ANK1: variants seen among roughly 807,000 people sequenced by gnomAD.
The protein encoded by ANK1 is ankyrin 1.
A neutral mutation model predicts 210.4 loss-of-function variants in ANK1; 51 were observed. The observed-to-expected ratio is 0.24, with a 90% CI of 0.19 to 0.31. ANK1 has a LOEUF of 0.31. Among genes scored for constraint, ANK1 ranks in the 10% least tolerant of loss-of-function variants. ANK1 has a pLI of 1.00. For missense variants in ANK1, 2,051 were observed against 2,504.4 expected, an observed-to-expected ratio of 0.82 and a Z score of 3.86; for synonymous variants, 967 against 1,025.9, an observed-to-expected ratio of 0.94 and a Z score of 1.10.
intron 1 of ANK1, among the ~76,000 whole-genome samples, chr8:41,775,241 G>A (rs1843758376): frequency 6.6e-6 from 1 of 152,186 alleles, no homozygotes; most frequent in African/African-American, 2.4e-5. Flanking sequence ...CTGCCATCTG[G>A]AGCAGGCGGG....
intron 1 of ANK1, among the ~76,000 whole-genome samples, chr8:41,878,645 A>T (rs1238388865): frequency 3.3e-4 from 51 of 152,252 alleles, no homozygotes; most frequent in Admixed American, 3.3e-3. Flanking sequence ...CTCGTTAAAA[A>T]GTAATGAGTA....
At chr8:41,808,305 G>C (rs1031637829) in intron 1 of ANK1, among the ~76,000 whole-genome samples, 3 of 152,180 alleles carry the variant, frequency 2.0e-5, no homozygotes, top group Admixed American at 2.0e-4. Context: ...AAAAGCACTG[G>C]AGTAAGATGG....
intron 1 of ANK1, among the ~76,000 whole-genome samples, chr8:41,806,223 A>G (rs1316474403): frequency 6.6e-6 from 1 of 152,206 alleles, no homozygotes; most frequent in African/African-American, 2.4e-5. Flanking sequence ...TCACAGAACC[A>G]GAGTATGATA....
chr8:41,668,538 G>A lies in ANK1; in HGVS notation c.5123C>T (p.Ser1708Leu), dbSNP rs368366417. ...DRLQDWDADG[S>L]IVSYLQDAAQ... ...AGCATCTTGCAGGTATGAGACAATC[G>A]AGCCGTCTGCATCCCAGTCCTGCAG... The change falls in exon 39 of 43, where the codon TCG becomes TTG. Residue 1708 changes from serine (S) to leucine (L), a missense_variant. This residue lies in a region of ANK1 where 496 missense variants were observed against 533.4 expected (regional missense o/e 0.93). Coordinates refer to ENST00000289734, the MANE Select transcript of ANK1 (RefSeq NM_000037.4). 7.4e-6 allele frequency: 12 copies of A among 1,613,742 alleles called. No homozygotes were observed. Among genetic ancestry groups the A allele is most frequent in the Admixed American group, 3.3e-5 (2 of 59,994 alleles).
In ANK1 at chr8:41,875,703, T is replaced by C. The variant is rs542084773; in HGVS notation, c.126+20652A>G. 4.6e-5 allele frequency among the ~76,000 whole-genome samples: 7 copies of C among 152,260 alleles called. No individual in the cohort carries two copies. The South Asian group carries it at 1.5e-3, about 32-fold the overall frequency. ...CCAAGCAGCTGGGAAGCCTCCTTGC[T>C]GCTCGTAGAAGAACACGCTTTGCAG... is the stretch of plus-strand genomic sequence containing the variant. On this transcript the variant is annotated intron_variant, in intron 1 of 42. Coordinates refer to the ANK1 transcript ENST00000265709.
In ANK1 at chr8:41,822,478, G is replaced by A. The variant is rs556334562; in HGVS notation, c.127-64341C>T. ...TTTTGAGTAGGTATCTTCAATATAC[G>A]CATATTAACATATTTTTAAATCATA... On this transcript the variant is annotated intron_variant, in intron 1 of 42. Coordinates refer to the ANK1 transcript ENST00000265709. Among the ~76,000 whole-genome samples the A allele has an allele frequency of 1.1e-4, 17 of 152,212 alleles. No individual in the cohort carries two copies. In the East Asian group the frequency reaches 2.5e-3, roughly 22 times the overall value.
At chr8:41,693,804 G>A (rs574178573) in intron 29 of ANK1, 94 bp downstream of exon 29, 3 of 1,397,730 alleles carry the variant, frequency 2.1e-6, no homozygotes, top group South Asian at 2.5e-5. Context: ...AAACTAAGGG[G>A]ATTGCTGGCC....
chr8:41,868,747 C>T (rs906072553), intron 1 of ANK1, among the ~76,000 whole-genome samples: 3 of 152,188 alleles, frequency 2.0e-5, no homozygotes, highest in African/African-American at 7.2e-5. Flanking sequence ...AAAACTATTC[C>T]CTTCAAAATC....
intron 31 of ANK1, 40 bp downstream of exon 31, chr8:41,692,608 C>T (rs755469211): frequency 2.5e-5 from 40 of 1,580,058 alleles, no homozygotes; most frequent in Admixed American, 6.7e-5. Context: ...AACGGCAGGA[C>T]GGTTTGTCCC....
rs1253531683 is a variant in ANK1 at position 41,723,542 on chromosome 8, T to C, written c.803A>G (p.Lys268Arg). 2.5e-6 allele frequency: 4 copies of C among 1,614,060 alleles called. No individual in the cohort carries two copies. Among genetic ancestry groups the C allele is most frequent in the Non-Finnish European group, 3.4e-6 (4 of 1,179,990 alleles). ...GCACCTGCTGGCACCCACCTTGGTCTTGGTTTCTATCTGGGCTCCCCGATC... is the reference window on the plus strand; with the variant it reads ...GCACCTGCTGGCACCCACCTTGGTCCTGGTTTCTATCTGGGCTCCCCGATC... ...LLDRGAQIET[K>R]TKDELTPLHC... The change falls in exon 8 of 43, where the codon AAG becomes AGG. Residue 268 changes from lysine to arginine, a missense_variant. Lys to Arg is a conservative substitution (Grantham distance 26). Transcript: ENST00000289734.
intron 9 of ANK1, 135 bp from the exon 10 acceptor site, chr8:41,719,993 C>G: frequency 8.6e-6 from 9 of 1,047,648 alleles, no homozygotes; most frequent in Non-Finnish European, 1.3e-5. Flanking sequence ...GAGCTTGGCT[C>G]ACCCTGGCCT....
At chr8:41,894,949 T>C (rs1173347176) in intron 1 of ANK1, among the ~76,000 whole-genome samples, 1 of 152,142 alleles carries the variant, frequency 6.6e-6, no homozygotes, top group Non-Finnish European at 1.5e-5. Flanking sequence ...GTGAAACTAC[T>C]ATTTACACAC....
chr8:41,715,595 C>T (rs1827401034), intron 14 of ANK1, 57 bp downstream of exon 14: 7 of 1,600,324 alleles, frequency 4.4e-6, no homozygotes, highest in Non-Finnish European at 6.0e-6. Flanking sequence ...CCTCCGAGCT[C>T]CAGGCCTGGC....
At chr8:41,852,667 C>T (rs949185159) in intron 1 of ANK1, among the ~76,000 whole-genome samples, 1 of 152,236 alleles carries the variant, frequency 6.6e-6, no homozygotes. Context: ...GGGAAACATC[C>T]TTTGCCTGGT....
chr8:41,660,352 C>G, intron 42 of ANK1: 3 of 454,656 alleles, frequency 6.6e-6, no homozygotes, highest in South Asian at 4.8e-5. Context: ...GTCCCAGAGT[C>G]AGGCCCTGGG....
intron 14 of ANK1, 101 bp from the exon 15 acceptor site, chr8:41,715,175 G>C (rs1221448757): frequency 3.5e-6 from 4 of 1,132,706 alleles, no homozygotes; most frequent in African/African-American, 1.5e-5. Flanking sequence ...GGCATGGAGA[G>C]GCCAATGAAA....
In ANK1 at chr8:41,786,071, C is replaced by T. The variant is rs895290103; in HGVS notation, c.27+11441G>A. ...CCGATGCAGTTTTCTCTCCTCCTCCCGAGTTTCCAAAGCATTGTATCTTGT... is the reference window on the plus strand; with the variant it reads ...CCGATGCAGTTTTCTCTCCTCCTCCTGAGTTTCCAAAGCATTGTATCTTGT... On this transcript the variant is annotated intron_variant, in intron 1 of 42. Transcript: ENST00000289734. Among the ~76,000 whole-genome samples, 4 of 152,220 alleles carry T rather than the reference C, an allele frequency of 2.6e-5. No homozygotes were observed. In the East Asian group the frequency reaches 5.8e-4, roughly 22 times the overall value.
intron 1 of ANK1, among the ~76,000 whole-genome samples, chr8:41,849,518 T>C (rs1810781558): frequency 2.9e-5 from 1 of 34,266 alleles, no homozygotes; most frequent in Non-Finnish European, 5.8e-5. Context: ...AGCGAGACAA[T>C]GTCCCAAAAA....
upstream of ANK1, among the ~76,000 whole-genome samples, chr8:41,800,726 TTTTG>T (rs370461173): frequency 4.9e-4 from 75 of 152,270 alleles, 1 homozygote; most frequent in African/African-American, 1.6e-3. Flanking sequence ...GTTGTATGAT[TTTTG>T]TTTGTTTGTT....
Sources: gnomAD v4.1 joint callset for allele counts (sites outside exome capture counted in the v4.1 genomes callset) on GRCh38, gnomAD v4.1.1 for gene constraint, gnomAD v4.1.1 regional missense constraint, MANE v1.5 for transcripts, NCBI Gene and HGNC (gene_info 2026-07-23, HGNC 2026-07-21) for gene names.